The following PCDHGA8 variants were observed in gnomAD, a reference collection of about 807,000 sequenced individuals.
PCDHGA8 encodes the protein protocadherin gamma-A8.
Under a neutral mutation model 59.2 loss-of-function variants are expected in PCDHGA8, and 45 were observed. That is an observed-to-expected ratio of 0.76 (90% CI 0.60 to 0.98). The LOEUF is 0.98. PCDHGA8 is among the 50% of genes least tolerant of loss of function. The pLI, the probability that PCDHGA8 is intolerant of heterozygous loss-of-function variation, is 0.00. For synonymous variants in PCDHGA8, 531 were observed against 519.0 expected, an observed-to-expected ratio of 1.02 and a Z score of -0.32; for missense variants, 1,257 against 1,196.2, an observed-to-expected ratio of 1.05 and a Z score of -0.75.
In PCDHGA8 at chr5:141,393,591, C is replaced by T. The variant is rs369860953; in HGVS notation, c.778C>T (p.Arg260Trp). Residue 260 changes from arginine (R) to tryptophan (W), a missense_variant, in exon 1 of 4, where the codon CGG (arginine) becomes TGG (tryptophan). Coordinates refer to ENST00000398604, the MANE Select transcript of PCDHGA8 (RefSeq NM_032088.2). ...CCTTGAGAACATGCCCCCAGGCACG[C>T]GGCTGCTTACTGTAACAGCCAGCGA... The part of the protein sequence containing the change: ...KVLENMPPGT[R>W]LLTVTASDPD... The T allele has an allele frequency of 1.8e-5, 29 of 1,613,882 alleles. No homozygotes were observed. The Middle Eastern group carries it at 4.9e-4, about 28-fold the overall frequency.
chr5:141,491,702 T>A lies in PCDHGA8; in HGVS notation c.2425-3105T>A. The A allele has an allele frequency of 6.2e-7, 1 of 1,611,514 alleles. No homozygotes were observed. Among genetic ancestry groups the A allele is most frequent in the Non-Finnish European group, 8.5e-7 (1 of 1,178,984 alleles). ...AATACGCTGCGGGAGCGGAGCCAGG[T>A]GAGGGGCTCGGCGCCGCCCCGGGCG... On this transcript the variant is annotated intron_variant, in intron 1 of 3. Coordinates refer to ENST00000398604, the MANE Select transcript of PCDHGA8 (RefSeq NM_032088.2). The surrounding 1 kb of genome is among the most constrained non-coding windows in gnomAD (Gnocchi z 6.9).
intron 1 of PCDHGA8, chr5:141,419,497 G>T (rs1357823931): frequency 9.9e-6 from 16 of 1,612,390 alleles, no homozygotes; most frequent in Non-Finnish European, 1.4e-5. Context: ...GCGCCAATGT[G>T]AGCCTGCGCG....
chr5:141,447,514 C>T (rs901543835), intron 1 of PCDHGA8, among the ~76,000 whole-genome samples: 20 of 152,196 alleles, frequency 1.3e-4, no homozygotes, highest in Admixed American at 8.5e-4. Context: ...AGATGCATAA[C>T]AATCATAACA....
Position 141,511,267 on chromosome 5 carries a change from C to T in PCDHGA8, c.*94C>T, listed in dbSNP as rs1223074819. 1.3e-6 allele frequency: 2 copies of T among 1,549,404 alleles called. No homozygotes were observed. Among genetic ancestry groups the T allele is most frequent in the Non-Finnish European group, 1.7e-6 (2 of 1,146,836 alleles). On this transcript the variant is annotated 3_prime_UTR_variant, in exon 4 of 4. Transcript: ENST00000398604. ...CCAGGCCTCAGAGTTTCAGGGCTAA[C>T]CCCCAGAATACTGGTAGGGGCCAAG...
intron 1 of PCDHGA8, among the ~76,000 whole-genome samples, chr5:141,460,983 GTATA>G (rs59296681): frequency 0.024 from 3,365 of 137,748 alleles, 55 homozygotes; most frequent in African/African-American, 0.035. Flanking sequence ...GTGTGTGTGT[GTATA>G]TATATATATG....
At chr5:141,415,801 A>G (rs560476453) in intron 1 of PCDHGA8, 12 of 1,373,384 alleles carry the variant, frequency 8.7e-6, no homozygotes, top group East Asian at 5.3e-5. Flanking sequence ...CCTAGTCTCA[A>G]TCAAGGCCTA....
At chr5:141,414,015 A>C in intron 1 of PCDHGA8, 1 of 1,613,160 alleles carries the variant, frequency 6.2e-7, no homozygotes, top group South Asian at 1.1e-5. Context: ...CCAATGGAGA[A>C]GTGACATATT....
intron 1 of PCDHGA8, among the ~76,000 whole-genome samples, chr5:141,482,652 G>C (rs1276348234): frequency 6.6e-6 from 1 of 152,074 alleles, no homozygotes; most frequent in African/African-American, 2.4e-5. Flanking sequence ...GGTGATGCTT[G>C]AGCTATGATC....
chr5:141,480,533 G>A (rs2099521308), intron 1 of PCDHGA8, among the ~76,000 whole-genome samples: 1 of 127,758 alleles, frequency 7.8e-6, no homozygotes, highest in African/African-American at 3.6e-5. Flanking sequence ...CAAAGTAGAA[G>A]CACATATGAA....
intron 1 of PCDHGA8, chr5:141,433,069 C>T (rs561950316): frequency 2.5e-6 from 4 of 1,614,080 alleles, no homozygotes; most frequent in African/African-American, 1.3e-5. Context: ...ACCTGATCTT[C>T]CCCCAGCCCA....
At position 141,511,241 on chromosome 5, in the gene PCDHGA8, C is replaced by G; in HGVS notation, c.*68C>G. ...CCAGCCCAGCTTCTCCTTACCTGCA[C>G]CCAGGCCTCAGAGTTTCAGGGCTAA... On this transcript the variant is annotated 3_prime_UTR_variant, in exon 4 of 4. Transcript: ENST00000398604. 1 of 1,585,214 alleles carries G rather than the reference C, an allele frequency of 6.3e-7. No individual in the cohort carries two copies. The highest frequency in any genetic ancestry group is 1.1e-5 in the South Asian group (1 of 87,760).
Position 141,438,593 on chromosome 5 carries a change from T to TAC in PCDHGA8, c.2424+43357_2424+43358insCA, listed in dbSNP as rs1414976871. Reference sequence around the variant, plus strand: ...TGATATACATACATACATACATACATATATATATATATATATATATATATA... The same window carrying TAC: ...TGATATACATACATACATACATACATACATATATATATATATATATATATATA... On this transcript the variant is annotated intron_variant, in intron 1 of 3. Transcript: ENST00000398604. Among the ~76,000 whole-genome samples the TAC allele has an allele frequency of 1.6e-3, 115 of 73,944 alleles. 1 individual carries two copies. The highest frequency in any genetic ancestry group is 2.9e-3 in the African/African-American group (63 of 21,786). The allele number at this position is 73,944 out of a possible 152,430, so 48.5% of individuals were successfully genotyped here. A position where few individuals can be genotyped will look rare whatever the true frequency, so the allele number is the denominator to read the frequency against.
chr5:141,460,157 C>T (rs1388985005), intron 1 of PCDHGA8, among the ~76,000 whole-genome samples: 1 of 151,968 alleles, frequency 6.6e-6, no homozygotes, highest in Admixed American at 6.6e-5. Context: ...CTCTTTGTCA[C>T]ATACATATTT....
intron 1 of PCDHGA8, among the ~76,000 whole-genome samples, chr5:141,481,913 CAAAAAAA>C (rs34114744): frequency 2.2e-5 from 2 of 90,812 alleles, no homozygotes; most frequent in Admixed American, 1.2e-4. Context: ...AACTCCATCT[CAAAAAAA>C]AAAAAAAAAA....
At chr5:141,510,450 T>G (rs1273211856) in intron 3 of PCDHGA8, among the ~76,000 whole-genome samples, 1 of 151,946 alleles carries the variant, frequency 6.6e-6, no homozygotes, top group Non-Finnish European at 1.5e-5. Flanking sequence ...CAGGAGCCCA[T>G]GGTCTAGTGT....
In PCDHGA8 at chr5:141,432,751, G is replaced by A; in HGVS notation, c.2424+37514G>A. The A allele has an allele frequency of 6.2e-7, 1 of 1,614,130 alleles. No homozygotes were observed. Among genetic ancestry groups the A allele is most frequent in the Non-Finnish European group, 8.5e-7 (1 of 1,179,982 alleles). Reference sequence around the variant, plus strand: ...CCACTGTCACGCTCACCGTGGCCGTGGCCGACAGCATCCCCCAAGTCCTGG... The same window carrying A: ...CCACTGTCACGCTCACCGTGGCCGTAGCCGACAGCATCCCCCAAGTCCTGG... On this transcript the variant is annotated intron_variant, in intron 1 of 3. Transcript: ENST00000398604. This position sits in a 1 kb window ranked among gnomAD's most constrained non-coding sequence, Gnocchi z 6.0.
chr5:141,414,588 G>A, intron 1 of PCDHGA8: 1 of 1,613,872 alleles, frequency 6.2e-7, no homozygotes, highest in Non-Finnish European at 8.5e-7. Flanking sequence ...ACAACGCCAG[G>A]GGTGCCTCCA....
intron 1 of PCDHGA8, chr5:141,405,178 T>C (rs769150671): frequency 3.1e-6 from 5 of 1,613,890 alleles, no homozygotes; most frequent in African/African-American, 2.7e-5. Flanking sequence ...ACTTTGTGGG[T>C]GTAGATGGGG....
intron 1 of PCDHGA8, among the ~76,000 whole-genome samples, chr5:141,402,432 TA>T (rs1325787840): frequency 6.6e-6 from 1 of 152,042 alleles, no homozygotes; most frequent in Non-Finnish European, 1.5e-5. Flanking sequence ...TGAAGCATCA[TA>T]AAAAGGAAAT....
Sources: gnomAD v4.1 joint callset for allele counts (sites outside exome capture counted in the v4.1 genomes callset) on GRCh38, gnomAD v4.1.1 for gene constraint, Gnocchi (gnomAD v3.1) non-coding constraint, MANE v1.5 for transcripts, NCBI Gene and HGNC (gene_info 2026-07-23, HGNC 2026-07-21) for gene names.